SECISBP2L: variants seen among roughly 807,000 people sequenced by gnomAD.
SECISBP2L encodes the protein SECIS binding protein 2 like, also known as selenocysteine insertion sequence-binding protein 2-like.
SECISBP2L carries 43 observed loss-of-function variants against 114.7 expected under a neutral mutation model. That is an observed-to-expected ratio of 0.38 (90% CI 0.29 to 0.48). The LOEUF (loss-of-function observed/expected upper bound fraction) is 0.48, where lower values mean the gene tolerates loss of function less well. Ranked by LOEUF, SECISBP2L falls within the 20% of genes least tolerant of loss-of-function variation. The pLI is 0.98. For missense variants in SECISBP2L, 1,136 were observed against 1,301.1 expected (o/e 0.87, Z 1.95); for synonymous variants, 451 against 439.7 (o/e 1.03, Z -0.32).
intron 14 of SECISBP2L, chr15:49,001,862 T>C (rs377681833): frequency 2.6e-5 from 4 of 152,238 alleles, no homozygotes; most frequent in South Asian, 2.1e-4. Flanking sequence ...CAGTCTATCA[T>C]TGATGAGCAT....
chr15:49,017,253 A>G (rs1162100457), intron 9 of SECISBP2L, among the ~76,000 whole-genome samples: 3 of 152,224 alleles, frequency 2.0e-5, no homozygotes, highest in Non-Finnish European at 2.9e-5. Flanking sequence ...AAATAAAACA[A>G]AATACATCCA....
intron 7 of SECISBP2L, among the ~76,000 whole-genome samples, chr15:49,021,337 C>G (rs1902636464): frequency 6.6e-6 from 1 of 152,064 alleles, no homozygotes; most frequent in Non-Finnish European, 1.5e-5. Flanking sequence ...CAAAAAATCC[C>G]ATTAACGAAT....
intron 8 of SECISBP2L, 191 bp from the exon 9 acceptor site, chr15:49,017,819 G>A: frequency 2.2e-6 from 1 of 455,792 alleles, no homozygotes; most frequent in Non-Finnish European, 3.8e-6. Flanking sequence ...TTCAAGGATG[G>A]GGGCGTATCC....
chr15:49,032,662 T>G (rs1159724208), intron 4 of SECISBP2L, among the ~76,000 whole-genome samples: 1 of 152,244 alleles, frequency 6.6e-6, no homozygotes, highest in Non-Finnish European at 1.5e-5. Flanking sequence ...TTAACCAAAA[T>G]GAGTTCCTCA....
chr15:49,028,405 A>T, intron 5 of SECISBP2L, 48 bp downstream of exon 5: 1 of 1,551,908 alleles, frequency 6.4e-7, no homozygotes, highest in East Asian at 2.2e-5. Context: ...GCAAAATAAT[A>T]ATACTGATAT....
chr15:48,993,098 A>AGT (rs1222412064), intron 17 of SECISBP2L, among the ~76,000 whole-genome samples, 172 bp from the exon 18 acceptor site: 23 of 121,996 alleles, frequency 1.9e-4, no homozygotes, highest in African/African-American at 8.9e-4. Flanking sequence ...AGACAGAGAG[A>AGT]GAGTGTGTGT....
Position 49,019,533 on chromosome 15 carries a change from C to T in SECISBP2L, c.1055G>A (p.Gly352Glu). ...NNSQVGFRCR[G>E]HSTSSERRQN... ...TCTTCTTTCTGAGGAAGTACTGTGT[C>T]CTCGGCATCTGAATCCAACCTAAGT... Residue 352 changes from glycine to glutamate, a missense_variant, in exon 8 of 18, where the codon GGA (glycine) becomes GAA (glutamate). Physicochemically the swap from Gly to Glu is moderately conservative, Grantham distance 98. This residue lies in a region of SECISBP2L where 452 missense variants were observed against 452.3 expected (regional missense o/e 1.00). Coordinates refer to ENST00000559471, the MANE Select transcript of SECISBP2L (RefSeq NM_001193489.2). 6.7e-7 allele frequency: 1 copy of T among 1,489,124 alleles called. No homozygotes were observed. The highest frequency in any genetic ancestry group is 8.9e-7 in the Non-Finnish European group (1 of 1,129,774). 92.2% of individuals were successfully genotyped at this position (1,489,124 alleles called of 1,614,324 possible). A position where few individuals can be genotyped will look rare whatever the true frequency, so the allele number is the denominator to read the frequency against.
In SECISBP2L at chr15:48,992,162, G is replaced by A; in HGVS notation, c.*82C>T. The A allele has an allele frequency of 7.6e-7, 1 of 1,322,052 alleles. No individual in the cohort carries two copies. Among genetic ancestry groups the A allele is most frequent in the Non-Finnish European group, 1.0e-6 (1 of 955,984 alleles). The allele number at this position is 1,322,052 out of a possible 1,614,324, so 81.9% of individuals were successfully genotyped here. ...AAATACGTATATTAAATACTGGACAGTGCAAAATGTTGAGATGAAGCATAA... is the reference window on the plus strand; with the variant it reads ...AAATACGTATATTAAATACTGGACAATGCAAAATGTTGAGATGAAGCATAA... On this transcript the variant is annotated 3_prime_UTR_variant, in exon 18 of 18. Transcript: ENST00000559471.
chr15:49,033,944 C>T (rs1902949583), intron 3 of SECISBP2L, among the ~76,000 whole-genome samples: 1 of 152,190 alleles, frequency 6.6e-6, no homozygotes, highest in Non-Finnish European at 1.5e-5. Flanking sequence ...ATTTATTTAA[C>T]TTCTTGAACG....
chr15:49,024,047 C>T (rs1902693226), intron 7 of SECISBP2L, among the ~76,000 whole-genome samples: 1 of 151,966 alleles, frequency 6.6e-6, no homozygotes, highest in South Asian at 2.1e-4. Flanking sequence ...TTCTTTCCAT[C>T]ATTTAAAATT....
chr15:49,002,554 A>G (rs979785020), intron 14 of SECISBP2L, among the ~76,000 whole-genome samples: 7 of 152,298 alleles, frequency 4.6e-5, no homozygotes, highest in Non-Finnish European at 8.8e-5. Context: ...GGTATTGCCT[A>G]GGTTTTCTTC....
At position 49,035,372 on chromosome 15, in the gene SECISBP2L, G is replaced by A. The variant is rs555015484; in HGVS notation, c.490C>T (p.Arg164Ter). 3 of 1,613,988 alleles carry A rather than the reference G, an allele frequency of 1.9e-6. No homozygotes were observed. The highest frequency in any genetic ancestry group is 1.7e-5 in the Admixed American group (1 of 59,996). ...GATCCTCTGTTACTGTTTCTGCTTC[G>A]ATGGCTGGACAATGGGAAGACCTGT... is the stretch of plus-strand genomic sequence containing the variant. ...LGQVFPLSSH[R>*]SRNSNRGSVV... The change falls in exon 3 of 18, where the codon CGA becomes TGA. Residue 164 changes from arginine (R) to a stop codon, truncating the protein, a stop_gained. Coordinates refer to ENST00000559471, the MANE Select transcript of SECISBP2L (RefSeq NM_001193489.2). LOFTEE classifies it high-confidence loss of function.
At position 48,992,761 on chromosome 15, in the gene SECISBP2L, G is replaced by A; in HGVS notation, c.2789C>T (p.Thr930Ile). 1.2e-6 allele frequency: 2 copies of A among 1,614,168 alleles called. No individual in the cohort carries two copies. Among genetic ancestry groups the A allele is most frequent in the Admixed American group, 1.7e-5 (1 of 60,000 alleles). Residue 930 changes from threonine (T) to isoleucine (I), a missense_variant, in exon 18 of 18, where the codon ACC (threonine) becomes ATC (isoleucine). Around this residue, in one of 2 missense-constraint regions of SECISBP2L, gnomAD observed 684 missense variants for 848.7 expected, o/e 0.81. Coordinates refer to ENST00000559471, the MANE Select transcript of SECISBP2L (RefSeq NM_001193489.2). Reference sequence around the variant, plus strand: ...GGATTTCCCAGCACTTGTAGCTGAGGTAGTACTGCCTGTAGCCACTAATGA... The same window carrying A: ...GGATTTCCCAGCACTTGTAGCTGAGATAGTACTGCCTGTAGCCACTAATGA... ...QPSLVATGSTTSATSAGKSTA... is the reference protein window; with the variant it reads ...QPSLVATGSTISATSAGKSTA...
chr15:48,990,742 C>T lies in SECISBP2L; in HGVS notation c.*1502G>A, dbSNP rs1901956621. On this transcript the variant is annotated 3_prime_UTR_variant, in exon 18 of 18. Coordinates refer to ENST00000559471, the MANE Select transcript of SECISBP2L (RefSeq NM_001193489.2). ...GCCTCTGTGAGGCAAAGCCCTGCCC[C>T]AGATAATCAGGGCAGGGATAATACC... 6.6e-6 allele frequency: 1 copy of T among 152,340 alleles called. No homozygotes were observed. The highest frequency in any genetic ancestry group is 1.5e-5 in the Non-Finnish European group (1 of 68,010). The allele number at this position is 152,340 out of a possible 1,614,324, so 9.4% of individuals were successfully genotyped here.
rs190560076 is a variant in SECISBP2L at position 49,045,469 on chromosome 15, G to A, written c.24+807C>T. Among the ~76,000 whole-genome samples, 337 of 152,210 alleles carry A rather than the reference G, an allele frequency of 2.2e-3. 7 individuals carry two copies. The highest frequency in any genetic ancestry group is 3.7e-4 in the Non-Finnish European group (25 of 67,998). On this transcript the variant is annotated intron_variant, in intron 1 of 17. Coordinates refer to ENST00000559471, the MANE Select transcript of SECISBP2L (RefSeq NM_001193489.2). Reference sequence around the variant, plus strand: ...CTTGGACTTCAAATTAAGTCGTTTCGCAGAGATCTTAAGAGTGGAAAATAC... The same window carrying A: ...CTTGGACTTCAAATTAAGTCGTTTCACAGAGATCTTAAGAGTGGAAAATAC...
At chr15:49,037,532 C>CA in intron 2 of SECISBP2L, 59 bp downstream of exon 2, 1 of 1,458,906 alleles carries the variant, frequency 6.9e-7, no homozygotes, top group Non-Finnish European at 9.4e-7. Context: ...ATATTAAGTG[C>CA]ACTTTGCCAG....
intron 16 of SECISBP2L, 137 bp from the exon 17 acceptor site, chr15:48,996,723 C>A (rs978883479): frequency 1.3e-5 from 9 of 680,580 alleles, no homozygotes; most frequent in Admixed American, 2.9e-5. Context: ...GTATGCAAAC[C>A]ACAGAACCTT....
chr15:49,010,320 G>A (rs1160424867), intron 13 of SECISBP2L, among the ~76,000 whole-genome samples: 5 of 151,516 alleles, frequency 3.3e-5, no homozygotes, highest in Non-Finnish European at 7.4e-5. Flanking sequence ...GTACCACCCC[G>A]GTCTCTCTCT....
At chr15:49,019,305 AG>A (rs1173781433) in intron 8 of SECISBP2L, 112 bp downstream of exon 8, 1 of 816,280 alleles carries the variant, frequency 1.2e-6, no homozygotes, top group Admixed American at 4.3e-5. Flanking sequence ...ATTTAATACT[AG>A]AATCACATGT....
Sources: gnomAD v4.1 joint callset for allele counts (sites outside exome capture counted in the v4.1 genomes callset) on GRCh38, gnomAD v4.1.1 for gene constraint, gnomAD v4.1.1 regional missense constraint, MANE v1.5 for transcripts, NCBI Gene and HGNC (gene_info 2026-07-23, HGNC 2026-07-21) for gene names.